The following ADGRV1 variants were observed in gnomAD, a reference collection of about 807,000 sequenced individuals.
The protein encoded by ADGRV1 is G-protein coupled receptor 98.
ADGRV1 carries 359 observed loss-of-function variants against 596.2 expected under a neutral mutation model. The observed-to-expected ratio is 0.60, with a 90% CI of 0.55 to 0.66. The LOEUF (loss-of-function observed/expected upper bound fraction) is 0.66. Among genes scored for constraint, ADGRV1 ranks in the 30% least tolerant of loss-of-function variants. ADGRV1 has a pLI of 0.00. For missense variants in ADGRV1, 7,274 were observed against 7,575.6 expected, an observed-to-expected ratio of 0.96 and a Z score of 1.48; for synonymous variants, 2,681 against 2,679.2, an observed-to-expected ratio of 1.00 and a Z score of -0.02.
chr5:90,631,462 A>G (rs1190552647), intron 9 of ADGRV1, among the ~76,000 whole-genome samples: 1 of 152,066 alleles, frequency 6.6e-6, no homozygotes. Flanking sequence ...ACCTTTTTGT[A>G]ATATACCTAC....
At chr5:91,008,399 C>T (rs183586400) in intron 85 of ADGRV1, among the ~76,000 whole-genome samples, 73 of 152,246 alleles carry the variant, frequency 4.8e-4, no homozygotes, top group African/African-American at 1.7e-3. Context: ...ATAGTAGATG[C>T]ATGAATAATA....
intron 1 of ADGRV1, among the ~76,000 whole-genome samples, chr5:90,604,615 G>A (rs1447827066): frequency 6.6e-6 from 1 of 152,100 alleles, no homozygotes; most frequent in Non-Finnish European, 1.5e-5. Flanking sequence ...TCTATCCTTA[G>A]ATCCTTAAGA....
intron 83 of ADGRV1, among the ~76,000 whole-genome samples, chr5:90,888,593 G>A (rs1770518058): frequency 6.6e-6 from 1 of 152,070 alleles, no homozygotes; most frequent in African/African-American, 2.4e-5. Context: ...TTTACAAATG[G>A]ATAATGTATT....
chr5:91,116,437 G>A (rs1358860209), intron 87 of ADGRV1, among the ~76,000 whole-genome samples: 1 of 152,200 alleles, frequency 6.6e-6, no homozygotes, highest in Non-Finnish European at 1.5e-5. Context: ...CTTAACTGGT[G>A]TGTATTAACA....
chr5:91,042,720 C>T (rs1228498155), intron 85 of ADGRV1, among the ~76,000 whole-genome samples: 2 of 152,118 alleles, frequency 1.3e-5, no homozygotes, highest in Non-Finnish European at 2.9e-5. Context: ...ATGCCCTCCA[C>T]ATTAGCAAAC....
chr5:90,790,340 A>G (rs1365270540), intron 69 of ADGRV1, among the ~76,000 whole-genome samples: 1 of 152,226 alleles, frequency 6.6e-6, no homozygotes, highest in African/African-American at 2.4e-5. Flanking sequence ...CAGGAAAAAC[A>G]TATTTTGTGA....
At chr5:90,719,931 AGAT>A in intron 43 of ADGRV1, 114 bp from the exon 44 acceptor site, 1 of 762,058 alleles carries the variant, frequency 1.3e-6, no homozygotes, top group South Asian at 1.7e-5. Flanking sequence ...AATCAAAGTG[AGAT>A]GATATTTTTC....
At chr5:90,712,140 T>C in intron 41 of ADGRV1, 147 bp from the exon 42 acceptor site, 1 of 512,116 alleles carries the variant, frequency 2.0e-6, no homozygotes, top group South Asian at 4.7e-5. Flanking sequence ...AATAAAAAGA[T>C]ATAAACCAAA....
At chr5:90,946,971 T>C (rs900482779) in intron 83 of ADGRV1, among the ~76,000 whole-genome samples, 1 of 152,170 alleles carries the variant, frequency 6.6e-6, no homozygotes, top group African/African-American at 2.4e-5. Flanking sequence ...TTCCTATGGA[T>C]ATATACCCAA....
intron 26 of ADGRV1, among the ~76,000 whole-genome samples, chr5:90,679,887 G>A (rs1050847921): frequency 6.6e-6 from 1 of 151,990 alleles, no homozygotes; most frequent in African/African-American, 2.4e-5. Flanking sequence ...ACCTAATGTA[G>A]TTTCCTGATT....
chr5:90,948,605 T>C (rs1175598891), intron 83 of ADGRV1, among the ~76,000 whole-genome samples: 1 of 152,104 alleles, frequency 6.6e-6, no homozygotes, highest in Non-Finnish European at 1.5e-5. Context: ...TGACTTACAA[T>C]GGGGTTACAT....
In ADGRV1 at chr5:90,926,102, TTG is replaced by T. The variant is rs1301992032; in HGVS notation, c.17857-39309_17857-39308del. ...ATTGGTCTAAAATTCTCTTTTTTGG[TTG>T]TGTCTCTGCCCGGCTTTGGTATCAG... is the stretch of plus-strand genomic sequence containing the variant. On this transcript the variant is annotated intron_variant, in intron 83 of 89. Coordinates refer to ENST00000405460, the MANE Select transcript of ADGRV1 (RefSeq NM_032119.4). Among the ~76,000 whole-genome samples the T allele has an allele frequency of 1.7e-4, 24 of 141,564 alleles. No individual in the cohort carries two copies. The Admixed American group carries it at 1.7e-3, about 10-fold the overall frequency. 92.9% of individuals were successfully genotyped at this position (141,564 alleles called of 152,430 possible).
chr5:90,949,997 G>T (rs1408776533), intron 83 of ADGRV1, among the ~76,000 whole-genome samples: 1 of 152,116 alleles, frequency 6.6e-6, no homozygotes, highest in African/African-American at 2.4e-5. Context: ...ACAATGGTTT[G>T]TCCATGATCC....
At chr5:91,086,712 C>T (rs1789908274) in intron 86 of ADGRV1, among the ~76,000 whole-genome samples, 1 of 152,110 alleles carries the variant, frequency 6.6e-6, no homozygotes, top group African/African-American at 2.4e-5. Flanking sequence ...ATTGCAGGGG[C>T]CACTCCTATG....
chr5:91,147,683 C>T (rs186161192), intron 87 of ADGRV1, among the ~76,000 whole-genome samples: 10 of 152,202 alleles, frequency 6.6e-5, no homozygotes, highest in Admixed American at 2.0e-4. Flanking sequence ...TACCCAGTCT[C>T]GGGTATTTCT....
chr5:91,058,462 C>CT (rs11414131), intron 85 of ADGRV1, among the ~76,000 whole-genome samples: 104,786 of 144,354 alleles, frequency 0.73, 37,911 homozygotes, highest in South Asian at 0.8. Context: ...GGTAATTGAC[C>CT]TTTTTTTTTT....
intron 59 of ADGRV1, among the ~76,000 whole-genome samples, chr5:90,768,062 C>T (rs1256324595): frequency 6.6e-6 from 1 of 152,142 alleles, no homozygotes; most frequent in Non-Finnish European, 1.5e-5. Context: ...CAATAATTTC[C>T]CAGTTACCAG....
intron 1 of ADGRV1, among the ~76,000 whole-genome samples, chr5:90,601,237 CAA>C (rs200792828): frequency 5.4e-5 from 7 of 129,896 alleles, no homozygotes; most frequent in South Asian, 2.5e-4. Context: ...AACTCCATCT[CAA>C]AAAAAAAAAA....
chr5:91,145,303 G>C (rs1438970353), intron 87 of ADGRV1, among the ~76,000 whole-genome samples: 1 of 152,216 alleles, frequency 6.6e-6, no homozygotes, highest in African/African-American at 2.4e-5. Context: ...AGAATACACT[G>C]TTTTAACAAA....
Sources: gnomAD v4.1 joint callset for allele counts (sites outside exome capture counted in the v4.1 genomes callset) on GRCh38, gnomAD v4.1.1 for gene constraint, MANE v1.5 for transcripts, NCBI Gene and HGNC (gene_info 2026-07-23, HGNC 2026-07-21) for gene names.